Variants in BRWD1 observed in about 807,000 individuals in gnomAD.
BRWD1 encodes bromodomain and WD repeat domain containing 1.
BRWD1 carries 82 observed loss-of-function variants against 251.2 expected under a neutral mutation model. The ratio of observed to expected loss-of-function variants is 0.33; its 90% CI spans 0.27 to 0.39. The LOEUF (loss-of-function observed/expected upper bound fraction) is 0.39. BRWD1 is among the 10% of genes least tolerant of loss of function. The pLI is 1.00. For missense variants in BRWD1, 2,233 were observed against 2,711.6 expected (o/e 0.82, Z 3.92); for synonymous variants, 918 against 902.8 (o/e 1.02, Z -0.30).
intron 21 of BRWD1, among the ~76,000 whole-genome samples, chr21:39,240,900 C>CTTTTTTTTTTTTTT (rs71184666): frequency 6.8e-6 from 1 of 148,014 alleles, no homozygotes. Flanking sequence ...GTAAGTAAAT[C>CTTTTTTTTTTTTTT]TTTTTTTTTT....
upstream of BRWD1, chr21:39,314,059 C>A (rs752423163): frequency 5.3e-5 from 24 of 455,788 alleles, no homozygotes; most frequent in South Asian, 3.7e-4. Flanking sequence ...CAAGGTCGCC[C>A]GCTCCGGGTC....
intron 38 of BRWD1, 50 bp from the exon 39 acceptor site, chr21:39,200,436 C>A: frequency 6.6e-7 from 1 of 1,504,094 alleles, no homozygotes; most frequent in Non-Finnish European, 9.0e-7. Context: ...TGTCTTTACA[C>A]ACATAAGCAA....
intron 17 of BRWD1, among the ~76,000 whole-genome samples, chr21:39,262,069 A>G (rs1601410012): frequency 1.3e-5 from 2 of 152,244 alleles, no homozygotes; most frequent in East Asian, 1.9e-4. Flanking sequence ...ATTTTCAGAG[A>G]TACAGAGAAA....
At chr21:39,313,648 C>G, upstream of BRWD1, 2 of 486,820 alleles carry the variant, frequency 4.1e-6, no homozygotes, top group South Asian at 5.7e-5. Flanking sequence ...GACGCCTCCG[C>G]GGGGGAGGAA....
chr21:39,231,318 A>G (rs191818518), intron 25 of BRWD1, among the ~76,000 whole-genome samples: 222 of 152,262 alleles, frequency 1.5e-3, no homozygotes, highest in African/African-American at 5.0e-3. Flanking sequence ...ACCACTTCAC[A>G]CCCCATTTTT....
chr21:39,211,226 G>GT (rs1418924798), intron 34 of BRWD1, among the ~76,000 whole-genome samples: 2 of 152,114 alleles, frequency 1.3e-5, no homozygotes, highest in African/African-American at 4.8e-5. Context: ...TATAATATTT[G>GT]TTTTCGCAGA....
intron 8 of BRWD1, among the ~76,000 whole-genome samples, chr21:39,288,386 C>A (rs1246907588): frequency 3.9e-5 from 6 of 152,254 alleles, no homozygotes; most frequent in African/African-American, 1.2e-4. Context: ...GCAAGAATCA[C>A]TGGGCACTGC....
intron 4 of BRWD1, among the ~76,000 whole-genome samples, chr21:39,304,822 G>A (rs2036234491): frequency 6.6e-6 from 1 of 151,930 alleles, no homozygotes; most frequent in Non-Finnish European, 1.5e-5. Context: ...AAGACAAGAA[G>A]ATTATAATGA....
In BRWD1 at chr21:39,313,315, G is replaced by T; in HGVS notation, c.50-16C>A. The T allele has an allele frequency of 6.5e-7, 1 of 1,536,754 alleles. No individual in the cohort carries two copies. Among genetic ancestry groups the T allele is most frequent in the Non-Finnish European group, 8.8e-7 (1 of 1,130,786 alleles). ...AAGTACAGCTCTGCGGGAAGACAAG[G>T]AGTCAGGTCAAGCCCCGGCGGGGAG... On this transcript the variant is annotated splice_polypyrimidine_tract_variant and intron_variant, in intron 1 of 40. Coordinates refer to ENST00000342449, the MANE Select transcript of BRWD1 (RefSeq NM_033656.4).
intron 33 of BRWD1, among the ~76,000 whole-genome samples, 184 bp from the exon 34 acceptor site, chr21:39,212,891 A>G (rs575563660): frequency 8.4e-4 from 128 of 152,272 alleles, no homozygotes; most frequent in African/African-American, 3.0e-3. Flanking sequence ...AAAAAAAATC[A>G]TTCTTAATAA....
intron 27 of BRWD1, 107 bp from the exon 28 acceptor site, chr21:39,225,304 A>C: frequency 2.6e-6 from 2 of 765,376 alleles, no homozygotes; most frequent in Non-Finnish European, 4.3e-6. Flanking sequence ...CAAAAGCACA[A>C]TACAAAAACA....
chr21:39,191,756 C>G lies in BRWD1; in HGVS notation c.*4503G>C, dbSNP rs2031566407. ...AGAGCTGCTACAGTCCATCTAGGCT[C>G]TATATACTGGTCATCTCATTTCAGT... On this transcript the variant is annotated 3_prime_UTR_variant, in exon 41 of 41. Transcript: ENST00000342449. The G allele has an allele frequency of 1.0e-6, 1 of 985,264 alleles. No individual in the cohort carries two copies. The allele number at this position is 985,264 out of a possible 1,614,324, so 61.0% of individuals were successfully genotyped here.
At chr21:39,276,025 TC>T (rs1299123476) in intron 12 of BRWD1, 147 bp downstream of exon 12, 5 of 608,652 alleles carry the variant, frequency 8.2e-6, no homozygotes, top group Non-Finnish European at 1.1e-5. Flanking sequence ...AGAGCGAAAC[TC>T]CATCTCAAAA....
chr21:39,276,281 G>T, intron 11 of BRWD1, 68 bp from the exon 12 acceptor site: 1 of 1,444,680 alleles, frequency 6.9e-7, no homozygotes, highest in Non-Finnish European at 9.5e-7. Context: ...AAAAAATGAA[G>T]TTTTAATGCT....
At position 39,312,980 on chromosome 21, in the gene BRWD1, G is replaced by GCGGGCGGGGGGCCGGGGA. The variant is rs2036557118; in HGVS notation, c.139-81_139-80insTCCCCGGCCCCCCGCCCG. ...GGGGGCGGGGGGCCGGGGGCGGGCGGCGGGCGGCGGGCGGGGGGCGCGGGC... is the reference window on the plus strand; with the variant it reads ...GGGGGCGGGGGGCCGGGGGCGGGCGGCGGGCGGGGGGCCGGGGACGGGCGGCGGGCGGGGGGCGCGGGC... On this transcript the variant is annotated intron_variant, in intron 3 of 40. Coordinates refer to ENST00000342449, the MANE Select transcript of BRWD1 (RefSeq NM_033656.4). 1.2e-5 allele frequency: 9 copies of GCGGGCGGGGGGCCGGGGA among 780,762 alleles called. 1 individual carries two copies. Among genetic ancestry groups the GCGGGCGGGGGGCCGGGGA allele is most frequent in the South Asian group, 1.2e-4 (2 of 17,134 alleles). 48.4% of individuals were successfully genotyped at this position (780,762 alleles called of 1,614,324 possible).
chr21:39,215,449 G>A (rs1046316349), intron 31 of BRWD1, 87 bp from the exon 32 acceptor site: 8 of 1,153,584 alleles, frequency 6.9e-6, no homozygotes, highest in East Asian at 2.4e-5. Context: ...TTAAACAACT[G>A]TGAAATAATA....
intron 29 of BRWD1, among the ~76,000 whole-genome samples, chr21:39,220,539 C>T (rs965385977): frequency 1.3e-5 from 2 of 152,034 alleles, no homozygotes; most frequent in African/African-American, 4.8e-5. Flanking sequence ...ATATACAGCA[C>T]CCAACAAGGT....
Position 39,188,066 on chromosome 21 carries a change from A to G in BRWD1, c.*8193T>C, listed in dbSNP as rs1341717750. The G allele has an allele frequency of 8.1e-6, 8 of 985,338 alleles. No individual in the cohort carries two copies. Among genetic ancestry groups the G allele is most frequent in the Admixed American group, 6.1e-5 (1 of 16,264 alleles). The allele number at this position is 985,338 out of a possible 1,614,324, so 61.0% of individuals were successfully genotyped here. A position where few individuals can be genotyped will look rare whatever the true frequency, so the allele number is the denominator to read the frequency against. ...TACACAGCCACATGATGCCAGAGCT[A>G]CTACTCCGTGCTGACCAAACTTAGG... On this transcript the variant is annotated 3_prime_UTR_variant, in exon 41 of 41. Transcript: ENST00000342449.
intron 8 of BRWD1, among the ~76,000 whole-genome samples, chr21:39,291,804 A>AC (rs1474560918): frequency 1.3e-5 from 2 of 152,226 alleles, no homozygotes; most frequent in Admixed American, 1.3e-4. Context: ...TCCATCCCAC[A>AC]CATGTAATAA....
Sources: allele counts gnomAD v4.1 joint callset (sites outside exome capture counted in the v4.1 genomes callset), GRCh38; gene constraint gnomAD v4.1.1; transcripts MANE v1.5; gene names NCBI Gene and HGNC (gene_info 2026-07-23, HGNC 2026-07-21).